Variants in ROBO1 observed in about 807,000 individuals in gnomAD.
ROBO1 encodes roundabout guidance receptor 1, also known as roundabout homolog 1.
Under a neutral mutation model 195.9 loss-of-function variants are expected in ROBO1, and 149 were observed. The ratio of observed to expected loss-of-function variants is 0.76; its 90% CI spans 0.67 to 0.87. The LOEUF is 0.87. ROBO1 is among the 40% of genes least tolerant of loss of function. ROBO1 has a pLI of 0.00. For synonymous variants in ROBO1, 816 were observed against 733.2 expected, an observed-to-expected ratio of 1.11 and a Z score of -1.82; for missense variants, 1,933 against 2,068.3, an observed-to-expected ratio of 0.93 and a Z score of 1.27.
chr3:79,606,035 C>T (rs1404016869), intron 1 of ROBO1, among the ~76,000 whole-genome samples: 1 of 146,742 alleles, frequency 6.8e-6, no homozygotes, highest in African/African-American at 2.5e-5. Flanking sequence ...CATGTACCCA[C>T]ATATATATAT....
chr3:78,829,812 G>C (rs190480133), intron 4 of ROBO1, among the ~76,000 whole-genome samples: 221 of 152,234 alleles, frequency 1.5e-3, no homozygotes, highest in African/African-American at 4.8e-3. Context: ...GTTTCTATGG[G>C]TAAATAAGGA....
intron 4 of ROBO1, among the ~76,000 whole-genome samples, chr3:78,902,410 G>T (rs1161766873): frequency 3.3e-5 from 5 of 152,002 alleles, no homozygotes; most frequent in Non-Finnish European, 7.4e-5. Flanking sequence ...ATTCAAAACT[G>T]ATTTCTTTCA....
intron 3 of ROBO1, among the ~76,000 whole-genome samples, chr3:79,112,198 T>G (rs1209045184): frequency 6.6e-6 from 1 of 152,190 alleles, no homozygotes; most frequent in East Asian, 1.9e-4. Context: ...GCAGCTCTGA[T>G]GTAGAAGAAT....
At chr3:79,103,833 G>T (rs891485518) in intron 3 of ROBO1, among the ~76,000 whole-genome samples, 1 of 151,650 alleles carries the variant, frequency 6.6e-6, no homozygotes, top group African/African-American at 2.4e-5. Context: ...TATCATCAAA[G>T]AAAATTATTT....
intron 3 of ROBO1, among the ~76,000 whole-genome samples, chr3:79,125,020 C>T (rs1559677987): frequency 6.6e-6 from 1 of 151,564 alleles, no homozygotes; most frequent in African/African-American, 2.4e-5. Context: ...TTACATCGCT[C>T]TAAGAGTTTT....
rs536057517 is a variant in ROBO1, at chr3:79,399,943, G to A, written c.88+189881C>T. The stretch of plus-strand genomic sequence containing the variant: ...CATTAAAGACTGACATTGCTGATTC[G>A]CTCACACTAGACCCTTGTGTAGCAA... On this transcript the variant is annotated intron_variant, in intron 2 of 30. Coordinates refer to ENST00000464233, the MANE Select transcript of ROBO1 (RefSeq NM_002941.4). Among the ~76,000 whole-genome samples, 8 of 152,122 alleles carry A rather than the reference G, an allele frequency of 5.3e-5. No individual in the cohort carries two copies. In the East Asian group the frequency reaches 7.7e-4, roughly 15 times the overall value.
chr3:79,117,677 C>CTGCA (rs1380409821), intron 3 of ROBO1, among the ~76,000 whole-genome samples: 3 of 152,176 alleles, frequency 2.0e-5, no homozygotes, highest in Admixed American at 2.0e-4. Context: ...CAACCTGTAG[C>CTGCA]TGACTAAATA....
At chr3:78,935,276 T>A (rs530001577) in intron 4 of ROBO1, among the ~76,000 whole-genome samples, 2 of 152,172 alleles carry the variant, frequency 1.3e-5, no homozygotes, top group African/African-American at 4.8e-5. Flanking sequence ...GATGTCTGCC[T>A]AGTCTGGAGG....
At chr3:79,459,710 T>C (rs1185478300) in intron 2 of ROBO1, among the ~76,000 whole-genome samples, 1 of 152,082 alleles carries the variant, frequency 6.6e-6, no homozygotes, top group Non-Finnish European at 1.5e-5. Flanking sequence ...AATAAAATGA[T>C]CTATATTTTA....
intron 2 of ROBO1, among the ~76,000 whole-genome samples, chr3:79,377,879 G>C (rs932623693): frequency 6.6e-6 from 1 of 152,118 alleles, no homozygotes; most frequent in Non-Finnish European, 1.5e-5. Flanking sequence ...TTTACAACTT[G>C]ATAATCCAAA....
chr3:79,174,651 T>C (rs2081233270), intron 2 of ROBO1, among the ~76,000 whole-genome samples: 1 of 151,928 alleles, frequency 6.6e-6, no homozygotes, highest in South Asian at 2.1e-4. Context: ...GGTGAATACA[T>C]TTGCTAATAA....
intron 2 of ROBO1, among the ~76,000 whole-genome samples, chr3:79,526,340 T>A (rs758468840): frequency 5.9e-5 from 9 of 152,236 alleles, no homozygotes; most frequent in Non-Finnish European, 1.3e-4. Context: ...GGTTCTAAAA[T>A]CTGTCTCTGT....
At chr3:78,731,467 C>T (rs2082285434) in intron 5 of ROBO1, among the ~76,000 whole-genome samples, 1 of 152,064 alleles carries the variant, frequency 6.6e-6, no homozygotes, top group South Asian at 2.1e-4. Context: ...TCTGACATTT[C>T]CTGCCTTTCT....
intron 1 of ROBO1, among the ~76,000 whole-genome samples, chr3:79,670,120 C>A (rs1946590754): frequency 6.6e-6 from 1 of 151,794 alleles, no homozygotes; most frequent in Admixed American, 6.6e-5. Flanking sequence ...GAAAATGTTG[C>A]TTCATCAGTA....
intron 2 of ROBO1, among the ~76,000 whole-genome samples, chr3:79,334,463 A>G (rs1052800653): frequency 1.3e-5 from 2 of 151,170 alleles, no homozygotes; most frequent in Non-Finnish European, 2.9e-5. Flanking sequence ...TTAGATCCAC[A>G]AAGGCAGGAT....
chr3:79,489,985 G>C (rs1575904388), intron 2 of ROBO1, among the ~76,000 whole-genome samples: 1 of 152,148 alleles, frequency 6.6e-6, no homozygotes, highest in South Asian at 2.1e-4. Flanking sequence ...GTTGATCTTT[G>C]AAAGAGACTC....
At chr3:79,327,402 T>C (rs1388008565) in intron 2 of ROBO1, among the ~76,000 whole-genome samples, 1 of 152,088 alleles carries the variant, frequency 6.6e-6, no homozygotes, top group African/African-American at 2.4e-5. Flanking sequence ...AGAATACATG[T>C]TCAAGAAAAT....
chr3:79,763,841 A>G (rs1704840078), intron 1 of ROBO1, among the ~76,000 whole-genome samples: 1 of 152,238 alleles, frequency 6.6e-6, no homozygotes, highest in Non-Finnish European at 1.5e-5. Context: ...TGAAAAAGAT[A>G]TCAAGGAGAT....
At chr3:78,684,512 G>T (rs61218163) in intron 10 of ROBO1, among the ~76,000 whole-genome samples, 1 of 152,014 alleles carries the variant, frequency 6.6e-6, no homozygotes, top group African/African-American at 2.4e-5. Flanking sequence ...CACGGCATGC[G>T]TATTATACTT....
Sources: gnomAD v4.1 joint callset for allele counts (sites outside exome capture counted in the v4.1 genomes callset) on GRCh38, gnomAD v4.1.1 for gene constraint, MANE v1.5 for transcripts, NCBI Gene and HGNC (gene_info 2026-07-23, HGNC 2026-07-21) for gene names.